Variants in MKLN1 observed in about 807,000 individuals in gnomAD.
MKLN1 encodes muskelin 1.
MKLN1 carries 18 observed loss-of-function variants against 99.0 expected under a neutral mutation model. That is an observed-to-expected ratio of 0.18 (90% CI 0.13 to 0.27). MKLN1 has a LOEUF of 0.27. MKLN1 is among the 10% of genes least tolerant of loss of function. The pLI is 1.00. For synonymous variants in MKLN1, 288 were observed against 293.2 expected (o/e 0.98, Z 0.18); for missense variants, 621 against 875.9 (o/e 0.71, Z 3.67).
intron 3 of MKLN1, among the ~76,000 whole-genome samples, chr7:131,302,669 C>T (rs550101726): frequency 6.6e-6 from 1 of 152,320 alleles, no homozygotes; most frequent in South Asian, 2.1e-4. Context: ...ATGCAGCTGG[C>T]AGTGTTTGCC....
intron 2 of MKLN1, among the ~76,000 whole-genome samples, chr7:131,158,799 C>G (rs1365721164): frequency 2.0e-5 from 3 of 152,170 alleles, no homozygotes; most frequent in African/African-American, 7.2e-5. Context: ...GTGCCATTGG[C>G]CAGAATTGCC....
intron 1 of MKLN1, among the ~76,000 whole-genome samples, chr7:131,126,046 ATAAATTAATTAAT>A (rs1246957907): frequency 6.5e-3 from 15 of 2,320 alleles, no homozygotes; most frequent in Non-Finnish European, 0.014. Context: ...AAATAAATAA[ATAAATTAATTAAT>A]TAATAAATAA....
chr7:131,142,879 G>C (rs1255382818), exon 2 of MKLN1: 1 of 1,301,674 alleles, frequency 7.7e-7, no homozygotes, highest in African/African-American at 1.5e-5. Flanking sequence ...CCATCCTCCT[G>C]ACTCCATAAA....
intron 2 of MKLN1, among the ~76,000 whole-genome samples, chr7:131,164,775 G>T (rs1223958978): frequency 6.6e-6 from 1 of 152,210 alleles, no homozygotes; most frequent in Non-Finnish European, 1.5e-5. Flanking sequence ...GAATGGTATT[G>T]GGAAAGGGAT....
chr7:131,417,855 G>A (rs1795067778), intron 8 of MKLN1, among the ~76,000 whole-genome samples: 1 of 152,122 alleles, frequency 6.6e-6, no homozygotes, highest in Non-Finnish European at 1.5e-5. Flanking sequence ...ACAATTACCA[G>A]TGATTTAAAA....
chr7:131,377,122 T>A (rs1406446234), intron 2 of MKLN1, among the ~76,000 whole-genome samples: 2 of 152,200 alleles, frequency 1.3e-5, no homozygotes, highest in African/African-American at 4.8e-5. Context: ...TGATACAAGC[T>A]GCTGTGAACA....
intron 3 of MKLN1, among the ~76,000 whole-genome samples, chr7:131,313,319 T>G (rs1002442836): frequency 1.3e-5 from 2 of 152,162 alleles, no homozygotes; most frequent in Non-Finnish European, 2.9e-5. Context: ...ATGGTACACA[T>G]AAATCAGACA....
At chr7:131,471,169 A>C in intron 16 of MKLN1, 1 of 395,346 alleles carries the variant, frequency 2.5e-6, no homozygotes, top group South Asian at 3.2e-5. Flanking sequence ...TCAGAAAAGG[A>C]TTATCAGGTA....
chr7:131,357,907 C>T (rs1341761320), intron 1 of MKLN1, among the ~76,000 whole-genome samples: 1 of 152,114 alleles, frequency 6.6e-6, no homozygotes, highest in African/African-American at 2.4e-5. Context: ...CTTTTAGTCC[C>T]TCTCATTAAC....
At chr7:131,128,363 A>C (rs771241895) in intron 1 of MKLN1, among the ~76,000 whole-genome samples, 10 of 152,078 alleles carry the variant, frequency 6.6e-5, no homozygotes, top group Non-Finnish European at 8.8e-5. Flanking sequence ...GCATTTTTTG[A>C]CCTTGGAGTG....
chr7:131,434,123 T>C (rs1250591687), intron 9 of MKLN1, among the ~76,000 whole-genome samples: 1 of 152,144 alleles, frequency 6.6e-6, no homozygotes, highest in East Asian at 1.9e-4. Flanking sequence ...TGACCTCAGG[T>C]GATCCACCCA....
intron 1 of MKLN1, among the ~76,000 whole-genome samples, chr7:131,345,188 G>C (rs1799523144): frequency 6.6e-6 from 1 of 152,196 alleles, no homozygotes; most frequent in Admixed American, 6.5e-5. Flanking sequence ...AAAATTAGTA[G>C]TACAGGAACA....
intron 2 of MKLN1, among the ~76,000 whole-genome samples, chr7:131,377,660 A>G (rs1793704953): frequency 6.6e-6 from 1 of 152,104 alleles, no homozygotes; most frequent in Non-Finnish European, 1.5e-5. Flanking sequence ...TTGTTATTGG[A>G]CTATATTTTG....
chr7:131,374,164 T>C (rs976659434), intron 1 of MKLN1, among the ~76,000 whole-genome samples: 3 of 152,156 alleles, frequency 2.0e-5, no homozygotes, highest in African/African-American at 7.2e-5. Context: ...TGTAAGATGC[T>C]CTAGGTTAAT....
At chr7:131,464,733 C>G (rs1052015682) in intron 14 of MKLN1, among the ~76,000 whole-genome samples, 1 of 152,142 alleles carries the variant, frequency 6.6e-6, no homozygotes, top group Non-Finnish European at 1.5e-5. Flanking sequence ...CAGTTGTCAG[C>G]ATTTAGGTAC....
chr7:131,438,005 G>A lies in MKLN1; in HGVS notation c.1173+8G>A, dbSNP rs200380300. On this transcript the variant is annotated splice_region_variant and intron_variant, in intron 10 of 17. Coordinates refer to ENST00000352689, the MANE Select transcript of MKLN1 (RefSeq NM_013255.5). ...TTGGTGTTTGATCATCAGGTTTGAT[G>A]CACAGTTAAATATATGATGGAATTA... 3.1e-6 allele frequency: 5 copies of A among 1,595,162 alleles called. No individual in the cohort carries two copies. The East Asian group carries it at 8.9e-5, about 28-fold the overall frequency.
intron 3 of MKLN1, among the ~76,000 whole-genome samples, chr7:131,253,427 G>GATCCC (rs1386929513): frequency 1.3e-5 from 2 of 152,166 alleles, no homozygotes; most frequent in Non-Finnish European, 2.9e-5. Flanking sequence ...AGAGGTGGGT[G>GATCCC]ATCCCATTCC....
chr7:131,451,644 T>G (rs2116551127), intron 12 of MKLN1, among the ~76,000 whole-genome samples: 1 of 152,318 alleles, frequency 6.6e-6, no homozygotes, highest in South Asian at 2.1e-4. Flanking sequence ...ATAATTTAAA[T>G]CAATGGATTG....
intron 12 of MKLN1, among the ~76,000 whole-genome samples, chr7:131,447,597 TC>T (rs1161348331): frequency 6.6e-6 from 1 of 152,178 alleles, no homozygotes; most frequent in African/African-American, 2.4e-5. Context: ...AAGATGGGTC[TC>T]CCTGAAAAAG....
Sources: gnomAD v4.1 joint callset for allele counts (sites outside exome capture counted in the v4.1 genomes callset) on GRCh38, gnomAD v4.1.1 for gene constraint, MANE v1.5 for transcripts, NCBI Gene and HGNC (gene_info 2026-07-23, HGNC 2026-07-21) for gene names.